The following BLNK variants were observed in gnomAD, a reference collection of about 807,000 sequenced individuals.
BLNK encodes B-cell linker protein.
BLNK carries 29 observed loss-of-function variants against 73.5 expected under a neutral mutation model. The ratio of observed to expected loss-of-function variants is 0.39; its 90% CI spans 0.29 to 0.54. The LOEUF (loss-of-function observed/expected upper bound fraction) is 0.54. BLNK is among the 20% of genes least tolerant of loss of function. The probability of loss-of-function intolerance (pLI) is 0.61; values close to 1 mark genes in which losing one functional copy is unlikely to be tolerated. For synonymous variants in BLNK, 176 were observed against 200.8 expected, an observed-to-expected ratio of 0.88 and a Z score of 1.04; for missense variants, 460 against 562.8, an observed-to-expected ratio of 0.82 and a Z score of 1.85.
chr10:96,271,297 G>A (rs1844258861), intron 1 of BLNK, 55 bp downstream of exon 1: 1 of 1,571,420 alleles, frequency 6.4e-7, no homozygotes, highest in South Asian at 1.1e-5. Flanking sequence ...TGCCATAAGA[G>A]CACTGGGGGG....
intron 5 of BLNK, 69 bp downstream of exon 5, chr10:96,227,341 C>G: frequency 6.3e-7 from 1 of 1,585,560 alleles, no homozygotes; most frequent in Non-Finnish European, 8.6e-7. Flanking sequence ...CCCCACCCCG[C>G]AATCTTGGAC....
chr10:96,251,525 T>C (rs1554909127), intron 1 of BLNK, among the ~76,000 whole-genome samples: 2 of 152,156 alleles, frequency 1.3e-5, no homozygotes, highest in Non-Finnish European at 2.9e-5. Context: ...TATCCTTCCA[T>C]GGTGGGGAGA....
intron 9 of BLNK, among the ~76,000 whole-genome samples, chr10:96,208,752 A>C (rs1330156887): frequency 6.6e-6 from 1 of 152,202 alleles, no homozygotes; most frequent in Non-Finnish European, 1.5e-5. Context: ...ATTCCTGAGC[A>C]CCTGTAAGAT....
Position 96,189,539 on chromosome 10 carries a change from A to C in BLNK, c.*2434T>G, listed in dbSNP as rs188417199. 46 of 656,162 alleles carry C rather than the reference A, an allele frequency of 7.0e-5. No homozygotes were observed. In the East Asian group the frequency reaches 1.5e-3, roughly 21 times the overall value. The allele number at this position is 656,162 out of a possible 1,614,324, so 40.6% of individuals were successfully genotyped here. A position where few individuals can be genotyped will look rare whatever the true frequency, so the allele number is the denominator to read the frequency against. On this transcript the variant is annotated 3_prime_UTR_variant, in exon 17 of 17. Coordinates refer to ENST00000224337, the MANE Select transcript of BLNK (RefSeq NM_013314.4). Reference sequence around the variant, plus strand: ...CAGAACTAGGCCCTTTTGGTGTTTTACGAGTTTTTTCCTGTTTTTTGAAGG... The same window carrying C: ...CAGAACTAGGCCCTTTTGGTGTTTTCCGAGTTTTTTCCTGTTTTTTGAAGG...
intron 4 of BLNK, 77 bp downstream of exon 4, chr10:96,230,717 G>A (rs901267988): frequency 1.1e-5 from 17 of 1,499,082 alleles, no homozygotes; most frequent in Non-Finnish European, 1.5e-5. Context: ...CCACCAGCAT[G>A]TAATTCAGAA....
At chr10:96,222,489 C>G (rs935206485) in intron 6 of BLNK, among the ~76,000 whole-genome samples, 65 of 152,152 alleles carry the variant, frequency 4.3e-4, no homozygotes, top group African/African-American at 1.5e-3. Context: ...ATGAGTTTAC[C>G]TATTCATTTT....
chr10:96,249,022 T>G (rs188356983), intron 1 of BLNK, among the ~76,000 whole-genome samples: 93 of 152,366 alleles, frequency 6.1e-4, no homozygotes, highest in African/African-American at 2.0e-3. Context: ...AAAAAATGTA[T>G]AATAAAATTT....
At chr10:96,211,208 C>T (rs2083940096) in intron 8 of BLNK, among the ~76,000 whole-genome samples, 1 of 152,182 alleles carries the variant, frequency 6.6e-6, no homozygotes, top group African/African-American at 2.4e-5. Flanking sequence ...TAAGTACAGG[C>T]TGGACCTGCT....
At chr10:96,211,332 G>A (rs1484864784) in intron 8 of BLNK, among the ~76,000 whole-genome samples, 1 of 152,180 alleles carries the variant, frequency 6.6e-6, no homozygotes, top group African/African-American at 2.4e-5. Flanking sequence ...AGCACATGAA[G>A]GCACTGTGTT....
chr10:96,240,596 G>A (rs1842853560), intron 3 of BLNK, among the ~76,000 whole-genome samples: 2 of 152,064 alleles, frequency 1.3e-5, no homozygotes, highest in Non-Finnish European at 2.9e-5. Flanking sequence ...GAACTGTGTG[G>A]CCATCAGGAT....
intron 3 of BLNK, among the ~76,000 whole-genome samples, chr10:96,241,200 G>T (rs1296600096): frequency 6.6e-6 from 1 of 152,176 alleles, no homozygotes; most frequent in Non-Finnish European, 1.5e-5. Flanking sequence ...TTGATCAGTG[G>T]CCGAAAAAAT....
Position 96,215,349 on chromosome 10 carries a change from C to A in BLNK, c.648G>T (p.Thr216=), listed in dbSNP as rs782356586. The A allele has an allele frequency of 6.2e-7, 1 of 1,613,900 alleles. No individual in the cohort carries two copies. The highest frequency in any genetic ancestry group is 8.5e-7 in the Non-Finnish European group (1 of 1,179,952). Residue 216 remains threonine (T), a synonymous_variant, in exon 8 of 17, where the codon ACG becomes ACT. Coordinates refer to ENST00000224337, the MANE Select transcript of BLNK (RefSeq NM_013314.4). The stretch of plus-strand genomic sequence containing the variant: ...AAGCTGTTCCTGGAGGAGAGGCGGG[C>A]GTTGAGGAATTTGGCTTGGTTGATC... The part of the protein sequence containing the change: ...VNRSTKPNSS[T]PASPPGTASG...
intron 4 of BLNK, among the ~76,000 whole-genome samples, chr10:96,228,935 T>TA (rs782782652): frequency 1.0e-3 from 153 of 150,754 alleles, no homozygotes; most frequent in Non-Finnish European, 1.9e-3. Context: ...TGTTGGTCTT[T>TA]AAAAAAAAAG....
At chr10:96,220,802 A>G (rs1330602718) in intron 6 of BLNK, among the ~76,000 whole-genome samples, 8 of 152,248 alleles carry the variant, frequency 5.3e-5, no homozygotes, top group Admixed American at 5.2e-4. Context: ...ATTAAAAATC[A>G]TCTTAGATCA....
intron 8 of BLNK, chr10:96,210,128 G>A (rs1271411407): frequency 1.4e-5 from 8 of 592,540 alleles, no homozygotes; most frequent in Non-Finnish European, 2.4e-5. Flanking sequence ...GAGCTGGGAT[G>A]GGGGTTAGGG....
chr10:96,227,429 G>A lies in BLNK; in HGVS notation c.342C>T (p.Phe114=), dbSNP rs782331274. 5.0e-6 allele frequency: 8 copies of A among 1,613,980 alleles called. No individual in the cohort carries two copies. Among genetic ancestry groups the A allele is most frequent in the South Asian group, 2.2e-5 (2 of 91,096 alleles). The change falls in exon 5 of 17, where the codon TTC becomes TTT. Residue 114 remains phenylalanine, a synonymous_variant. Coordinates refer to ENST00000224337, the MANE Select transcript of BLNK (RefSeq NM_013314.4). ...CCTCACCTATATACTCGCCTCTGGC[G>A]AAGGGCAGGGCTGGGTGAACCGGCC... ...ETRPVHPALP[F]ARGEYIDNRS... is the part of the protein sequence containing the mutation.
At chr10:96,201,712 ATG>A (rs1339237009) in intron 13 of BLNK, among the ~76,000 whole-genome samples, 1 of 115,698 alleles carries the variant, frequency 8.6e-6, no homozygotes. Context: ...ATGTGGAAAC[ATG>A]TGAAATACGA....
At chr10:96,203,430 T>A (rs891616568) in intron 13 of BLNK, 1 of 152,218 alleles carries the variant, frequency 6.6e-6, no homozygotes, top group Admixed American at 6.5e-5. Context: ...GGATTTAAGC[T>A]TTATTATTTT....
chr10:96,232,134 G>A (rs782516464), intron 3 of BLNK, among the ~76,000 whole-genome samples: 6 of 152,214 alleles, frequency 3.9e-5, no homozygotes, highest in Admixed American at 6.5e-5. Context: ...ACTCTGCTGT[G>A]TAGGAATCAA....
Sources: allele counts gnomAD v4.1 joint callset (sites outside exome capture counted in the v4.1 genomes callset), GRCh38; gene constraint gnomAD v4.1.1; transcripts MANE v1.5; gene names NCBI Gene and HGNC (gene_info 2026-07-23, HGNC 2026-07-21).